Variants in MGAT5 observed in about 807,000 individuals in gnomAD.
The protein encoded by MGAT5 is alpha-1,6-mannosylglycoprotein 6-beta-N-acetylglucosaminyltransferase A.
A neutral mutation model predicts 94.3 loss-of-function variants in MGAT5; 30 were observed. That is an observed-to-expected ratio of 0.32 (90% CI 0.24 to 0.43). The LOEUF (loss-of-function observed/expected upper bound fraction) is 0.43. MGAT5 is among the 20% of genes least tolerant of loss of function. The pLI is 1.00. For synonymous variants in MGAT5, 310 were observed against 322.9 expected (o/e 0.96, Z 0.43); for missense variants, 691 against 905.5 (o/e 0.76, Z 3.04).
At chr2:134,423,148 G>A (rs1684391322) in intron 13 of MGAT5, among the ~76,000 whole-genome samples, 1 of 152,170 alleles carries the variant, frequency 6.6e-6, no homozygotes, top group Non-Finnish European at 1.5e-5. Flanking sequence ...AGACCGTTTA[G>A]ACATGACCAT....
chr2:134,434,246 G>A (rs140853725), intron 14 of MGAT5, among the ~76,000 whole-genome samples: 1,714 of 152,314 alleles, frequency 0.011, 15 homozygotes, highest in Non-Finnish European at 0.016. Context: ...TAATTAATTA[G>A]CCTTCTTTAC....
chr2:134,422,961 C>A, intron 13 of MGAT5, 42 bp downstream of exon 13: 3 of 1,439,612 alleles, frequency 2.1e-6, no homozygotes, highest in East Asian at 2.3e-5. Context: ...TCTAATGTGA[C>A]CTGAAATGTG....
intron 4 of MGAT5, among the ~76,000 whole-genome samples, chr2:134,331,608 C>CAGGGGTAGAGATG (rs1274662165): frequency 6.6e-6 from 1 of 151,850 alleles, no homozygotes; most frequent in Non-Finnish European, 1.5e-5. Context: ...GTAGAGATGG[C>CAGGGGTAGAGATG]GTTGACGGCA....
intron 1 of MGAT5, among the ~76,000 whole-genome samples, chr2:134,121,795 C>T (rs1444525615): frequency 6.6e-6 from 1 of 152,138 alleles, no homozygotes; most frequent in Non-Finnish European, 1.5e-5. Flanking sequence ...GTTGAACTGA[C>T]CCCCACCCCC....
intron 1 of MGAT5, among the ~76,000 whole-genome samples, chr2:134,246,218 G>C (rs547364113): frequency 2.0e-5 from 3 of 147,632 alleles, no homozygotes; most frequent in Non-Finnish European, 3.0e-5. Context: ...AAAGGTCTCT[G>C]TTCATACCTA....
intron 1 of MGAT5, among the ~76,000 whole-genome samples, chr2:134,181,685 A>T (rs1688740986): frequency 6.6e-6 from 1 of 152,234 alleles, no homozygotes; most frequent in Admixed American, 6.5e-5. Context: ...AGATAAACAC[A>T]TATATATTTA....
chr2:134,312,000 A>C (rs575102074), intron 2 of MGAT5, among the ~76,000 whole-genome samples: 1 of 152,202 alleles, frequency 6.6e-6, no homozygotes, highest in African/African-American at 2.4e-5. Context: ...CTGTAATCCC[A>C]GCACTTTGGG....
intron 2 of MGAT5, among the ~76,000 whole-genome samples, chr2:134,288,080 A>C (rs1685120005): frequency 6.6e-6 from 1 of 152,042 alleles, no homozygotes. Flanking sequence ...TGAATTTTGA[A>C]TTCTCTTGCT....
chr2:134,344,021 G>C (rs575400431), intron 7 of MGAT5, among the ~76,000 whole-genome samples: 5 of 152,322 alleles, frequency 3.3e-5, no homozygotes, highest in African/African-American at 1.2e-4. Context: ...TGTGGTGGTA[G>C]TACAGAGCTG....
At chr2:134,133,824 G>A (rs2104924268) in intron 1 of MGAT5, among the ~76,000 whole-genome samples, 1 of 152,280 alleles carries the variant, frequency 6.6e-6, no homozygotes, top group Admixed American at 6.5e-5. Flanking sequence ...CATGGGACAG[G>A]GAGGTGAACC....
At position 134,448,930 on chromosome 2, in the gene MGAT5, A is replaced by C. The variant is rs1685949891; in HGVS notation, c.*83A>C. ...TCAGGCAGGGCCAGGGACAGAAGTC[A>C]TGCAGGGACTCTGGCAAGAGCCTGA... On this transcript the variant is annotated 3_prime_UTR_variant, in exon 16 of 16. Coordinates refer to ENST00000281923, the MANE Select transcript of MGAT5 (RefSeq NM_002410.5). The C allele has an allele frequency of 7.9e-6, 11 of 1,399,358 alleles. No homozygotes were observed. In the South Asian group the frequency reaches 1.2e-4, roughly 16 times the overall value. The allele number at this position is 1,399,358 out of a possible 1,614,324, so 86.7% of individuals were successfully genotyped here. A position where few individuals can be genotyped will look rare whatever the true frequency, so the allele number is the denominator to read the frequency against.
intron 2 of MGAT5, among the ~76,000 whole-genome samples, chr2:134,281,244 CTG>C (rs1332363925): frequency 3.9e-5 from 6 of 152,228 alleles, no homozygotes; most frequent in African/African-American, 1.2e-4. Flanking sequence ...ACCTTGCCCT[CTG>C]TGATTAATAC....
rs2106458264 is a variant in MGAT5 at position 134,451,567 on chromosome 2, C to T, written c.*2720C>T. On this transcript the variant is annotated 3_prime_UTR_variant, in exon 16 of 16. Coordinates refer to ENST00000281923, the MANE Select transcript of MGAT5 (RefSeq NM_002410.5). ...AGGTGCCCCTGTGTGGGCTGGAAGC[C>T]TGCGGAGGTTTTGCCATTGCTGATC... The T allele has an allele frequency of 6.6e-6, 1 of 152,384 alleles. No homozygotes were observed. The highest frequency in any genetic ancestry group is 2.1e-4 in the South Asian group (1 of 4,822). The allele number at this position is 152,384 out of a possible 1,614,324, so 9.4% of individuals were successfully genotyped here. A position where few individuals can be genotyped will look rare whatever the true frequency, so the allele number is the denominator to read the frequency against.
At chr2:134,200,195 C>T (rs1038388924) in intron 1 of MGAT5, among the ~76,000 whole-genome samples, 1 of 136,542 alleles carries the variant, frequency 7.3e-6, no homozygotes, top group African/African-American at 2.7e-5. Flanking sequence ...AAAGTCACAG[C>T]TTTTGGGAAG....
chr2:134,249,124 T>A (rs561059830), upstream of MGAT5, among the ~76,000 whole-genome samples: 1 of 152,240 alleles, frequency 6.6e-6, no homozygotes, highest in South Asian at 2.1e-4. Flanking sequence ...CCTGCCCTGG[T>A]CTTGGCTGTG....
chr2:134,305,536 T>A (rs760771950), intron 2 of MGAT5, among the ~76,000 whole-genome samples: 1 of 152,176 alleles, frequency 6.6e-6, no homozygotes, highest in Non-Finnish European at 1.5e-5. Context: ...GAAATACAAA[T>A]ATACACACAT....
At chr2:134,313,773 A>G (rs533981980) in intron 2 of MGAT5, among the ~76,000 whole-genome samples, 71 of 152,250 alleles carry the variant, frequency 4.7e-4, no homozygotes, top group Admixed American at 1.2e-3. Context: ...AGTTTGTTAC[A>G]TGAGTAAACT....
intron 7 of MGAT5, among the ~76,000 whole-genome samples, chr2:134,342,719 T>TA (rs3838499): frequency 0.19 from 26,896 of 138,722 alleles, 2,767 homozygotes; most frequent in Middle Eastern, 0.39. Context: ...GTCTCTGTCT[T>TA]AAAAAAAAAA....
chr2:134,150,204 C>G (rs1201804991), intron 1 of MGAT5, among the ~76,000 whole-genome samples: 1 of 152,182 alleles, frequency 6.6e-6, no homozygotes, highest in Non-Finnish European at 1.5e-5. Context: ...TAAATGTTCC[C>G]TTTCCCTGGC....
Sources: allele counts gnomAD v4.1 joint callset (sites outside exome capture counted in the v4.1 genomes callset), GRCh38; gene constraint gnomAD v4.1.1; transcripts MANE v1.5; gene names NCBI Gene and HGNC (gene_info 2026-07-23, HGNC 2026-07-21).